The following EXOC3L2 variants were observed in gnomAD, a reference collection of about 807,000 sequenced individuals.
EXOC3L2 encodes exocyst complex component 3 like 2, also known as exocyst complex component 3-like protein 2.
Under a neutral mutation model 44.4 loss-of-function variants are expected in EXOC3L2, and 17 were observed. That is an observed-to-expected ratio of 0.38 (90% confidence interval 0.26 to 0.57). EXOC3L2 has a LOEUF of 0.57. Ranked by LOEUF, EXOC3L2 falls within the 20% of genes least tolerant of loss-of-function variation. EXOC3L2 has a pLI of 0.65. For synonymous variants in EXOC3L2, 256 were observed against 253.7 expected, an observed-to-expected ratio of 1.01 and a Z score of -0.09; for missense variants, 541 against 588.4, an observed-to-expected ratio of 0.92 and a Z score of 0.83.
At chr19:45,228,307 G>C (rs1176698024) in intron 4 of EXOC3L2, 41 bp from the exon 5 acceptor site, 9 of 1,574,884 alleles carry the variant, frequency 5.7e-6, no homozygotes, top group African/African-American at 1.4e-5. Context: ...GTTGGGGGCG[G>C]CCTGGAGGTC....
At chr19:45,244,817 C>G (rs1970157003) in intron 1 of EXOC3L2, among the ~76,000 whole-genome samples, 1 of 152,054 alleles carries the variant, frequency 6.6e-6, no homozygotes, top group Admixed American at 6.6e-5. Context: ...AGTGCAACCC[C>G]AATCTAGTCC....
In EXOC3L2 at chr19:45,216,206, G is replaced by A. The variant is rs1161805586; in HGVS notation, c.1999-12C>T. On this transcript the variant is annotated splice_polypyrimidine_tract_variant and intron_variant, in intron 10 of 11. Coordinates refer to ENST00000413988, the MANE Select transcript of EXOC3L2 (RefSeq NM_001382422.1). ...GAGGCCTGGGACTCCTGCAGGGGAG[G>A]GAGGGTGCGGGGTCACACCCTCCCA... 1 of 1,613,070 alleles carries A rather than the reference G, an allele frequency of 6.2e-7. No individual in the cohort carries two copies. The highest frequency in any genetic ancestry group is 2.2e-5 in the East Asian group (1 of 44,862).
intron 8 of EXOC3L2, among the ~76,000 whole-genome samples, chr19:45,218,732 T>C (rs569031122): frequency 6.6e-6 from 1 of 152,060 alleles, no homozygotes; most frequent in South Asian, 2.1e-4. Context: ...AGTTCAGATT[T>C]CAGATGGGCA....
chr19:45,233,706 T>C (rs566215876), intron 3 of EXOC3L2, among the ~76,000 whole-genome samples: 1 of 152,178 alleles, frequency 6.6e-6, no homozygotes, highest in African/African-American at 2.4e-5. Flanking sequence ...GCTAGGATTC[T>C]AAGACTGGAA....
At chr19:45,217,808 C>T in intron 9 of EXOC3L2, 125 bp from the exon 10 acceptor site, 1 of 1,136,050 alleles carries the variant, frequency 8.8e-7, no homozygotes, top group Non-Finnish European at 1.2e-6. Context: ...GGGCACCCTT[C>T]CCGTGCCCAC....
Position 45,213,898 on chromosome 19 carries a change from G to A in EXOC3L2, c.2121-541C>T, listed in dbSNP as rs1291669268. Among the ~76,000 whole-genome samples the A allele has an allele frequency of 2.6e-5, 4 of 151,920 alleles. 1 individual carries two copies. The highest frequency in any genetic ancestry group is 9.7e-5 in the African/African-American group (4 of 41,350). On this transcript the variant is annotated intron_variant, in intron 11 of 11. Transcript: ENST00000413988. The stretch of plus-strand genomic sequence containing the variant: ...AAACCTGGGAGGCAGAGGTTGCAGT[G>A]AGCTGAGATCGCGCCACTGCAGTCC...
At chr19:45,218,849 G>A (rs1033573636) in intron 8 of EXOC3L2, among the ~76,000 whole-genome samples, 1 of 152,168 alleles carries the variant, frequency 6.6e-6, no homozygotes, top group African/African-American at 2.4e-5. Flanking sequence ...TGTAATCCCA[G>A]CACTTTGGTA....
chr19:45,232,514 TC>T (rs1435185811), intron 3 of EXOC3L2, among the ~76,000 whole-genome samples: 4 of 152,142 alleles, frequency 2.6e-5, no homozygotes, highest in African/African-American at 9.7e-5. Flanking sequence ...TTCCCAGTCT[TC>T]CGGTGACAGC....
chr19:45,236,273 C>A (rs1970083380), intron 2 of EXOC3L2, among the ~76,000 whole-genome samples: 1 of 151,866 alleles, frequency 6.6e-6, no homozygotes, highest in Non-Finnish European at 1.5e-5. Flanking sequence ...CAAGACCAGA[C>A]TGACCAATAT....
intron 6 of EXOC3L2, 30 bp from the exon 7 acceptor site, chr19:45,227,802 G>A (rs752218193): frequency 1.1e-5 from 17 of 1,590,900 alleles, no homozygotes; most frequent in Middle Eastern, 1.7e-4. Context: ...CAGATAGGGC[G>A]CCACTGGGTC....
At chr19:45,216,044 C>G (rs112530898) in intron 11 of EXOC3L2, 29 bp downstream of exon 11, 2 of 1,610,186 alleles carry the variant, frequency 1.2e-6, no homozygotes, top group African/African-American at 2.7e-5. Context: ...CCAGGCACGG[C>G]GAGCCCTGGC....
At position 45,227,700 on chromosome 19, in the gene EXOC3L2, G is replaced by A. The variant is rs1286369906; in HGVS notation, c.1545C>T (p.Ser515=). The part of the protein sequence containing the change: ...VREMLPDTYI[S]KTIALVNCGP... ...CGCAGTTGACCAGGGCGATGGTCTTGCTGATATAGGTGTCAGGTAGCATCT... is the reference window on the plus strand; with the variant it reads ...CGCAGTTGACCAGGGCGATGGTCTTACTGATATAGGTGTCAGGTAGCATCT... The change falls in exon 7 of 12, where the codon AGC becomes AGT. Residue 515 remains serine (S), a synonymous_variant. Coordinates refer to ENST00000413988, the MANE Select transcript of EXOC3L2 (RefSeq NM_001382422.1). The A allele has an allele frequency of 6.2e-7, 1 of 1,613,028 alleles. No homozygotes were observed. Among genetic ancestry groups the A allele is most frequent in the South Asian group, 1.1e-5 (1 of 90,520 alleles).
At chr19:45,216,903 A>G (rs1482577026) in intron 10 of EXOC3L2, 1 of 150,936 alleles carries the variant, frequency 6.6e-6, no homozygotes, top group Non-Finnish European at 1.5e-5. Flanking sequence ...AGGCCCTTCC[A>G]GCCCAGCTGA....
At chr19:45,232,208 C>T (rs556701217) in intron 3 of EXOC3L2, among the ~76,000 whole-genome samples, 1 of 152,262 alleles carries the variant, frequency 6.6e-6, no homozygotes, top group Non-Finnish European at 1.5e-5. Flanking sequence ...TGCTGCCTTA[C>T]CTGGCCTTGG....
chr19:45,241,411 G>A (rs1228355946), intron 1 of EXOC3L2, among the ~76,000 whole-genome samples: 4 of 150,602 alleles, frequency 2.7e-5, no homozygotes, highest in Non-Finnish European at 5.9e-5. Context: ...GCGGAAGGCG[G>A]AGATTGCAGT....
intron 10 of EXOC3L2, 41 bp downstream of exon 10, chr19:45,217,487 C>T: frequency 2.0e-6 from 3 of 1,536,016 alleles, no homozygotes; most frequent in Middle Eastern, 3.4e-4. Context: ...CAAGCCTTGT[C>T]CTGGTTTCTG....
intron 11 of EXOC3L2, among the ~76,000 whole-genome samples, chr19:45,215,433 T>C (rs867482976): frequency 6.6e-6 from 1 of 151,612 alleles, no homozygotes; most frequent in Non-Finnish European, 1.5e-5. Flanking sequence ...ATTGTGCCAC[T>C]GCACTCCAGC....
intron 1 of EXOC3L2, among the ~76,000 whole-genome samples, chr19:45,243,910 G>A (rs1239007235): frequency 6.6e-6 from 1 of 151,466 alleles, no homozygotes; most frequent in Non-Finnish European, 1.5e-5. Context: ...TTACAGGTGT[G>A]AGCCACCGCA....
intron 1 of EXOC3L2, among the ~76,000 whole-genome samples, chr19:45,242,523 A>C (rs1417226034): frequency 2.0e-5 from 3 of 151,962 alleles, no homozygotes; most frequent in African/African-American, 7.2e-5. Flanking sequence ...CTCCCAAAGT[A>C]CTAGAATTAC....
Sources: allele counts gnomAD v4.1 joint callset (sites outside exome capture counted in the v4.1 genomes callset), GRCh38; gene constraint gnomAD v4.1.1; transcripts MANE v1.5; gene names NCBI Gene and HGNC (gene_info 2026-07-23, HGNC 2026-07-21).